The following NEGR1 variants were observed in gnomAD, a reference collection of about 807,000 sequenced individuals.
NEGR1 encodes the protein neuronal growth regulator 1.
A neutral mutation model predicts 40.9 loss-of-function variants in NEGR1; 10 were observed. The observed-to-expected ratio is 0.24, with a 90% CI of 0.15 to 0.42. The LOEUF (loss-of-function observed/expected upper bound fraction) is 0.42, where lower values mean the gene tolerates loss of function less well. NEGR1 is among the 10% of genes least tolerant of loss of function. The pLI, the probability that NEGR1 is intolerant of heterozygous loss-of-function variation, is 1.00. For synonymous variants in NEGR1, 185 were observed against 166.8 expected, an observed-to-expected ratio of 1.11 and a Z score of -0.84; for missense variants, 352 against 438.9, an observed-to-expected ratio of 0.80 and a Z score of 1.77.
intron 1 of NEGR1, among the ~76,000 whole-genome samples, chr1:72,109,362 A>G (rs1293314913): frequency 6.6e-6 from 1 of 151,710 alleles, no homozygotes; most frequent in African/African-American, 2.4e-5. Context: ...GTCATAAATA[A>G]AAACTACTTC....
In NEGR1 at chr1:71,912,287, T is replaced by G. The variant is rs1205695772; in HGVS notation, c.409+22792A>C. ...CTAGTCTCTTCCTCCATCTTCAAAGTTTTCAATAGGGAGTAAGTCCTTCCC... is the reference window on the plus strand; with the variant it reads ...CTAGTCTCTTCCTCCATCTTCAAAGGTTTCAATAGGGAGTAAGTCCTTCCC... On this transcript the variant is annotated intron_variant, in intron 2 of 6. Transcript: ENST00000357731. Among the ~76,000 whole-genome samples, 3 of 152,134 alleles carry G rather than the reference T, an allele frequency of 2.0e-5. No individual in the cohort carries two copies. In the East Asian group the frequency reaches 5.8e-4, roughly 29 times the overall value.
intron 1 of NEGR1, among the ~76,000 whole-genome samples, chr1:72,047,051 A>C (rs1647009230): frequency 6.6e-6 from 1 of 151,546 alleles, no homozygotes; most frequent in African/African-American, 2.4e-5. Flanking sequence ...TTAGTATCAA[A>C]AAACCTTTAG....
At chr1:71,560,640 T>C (rs1415791009) in intron 6 of NEGR1, among the ~76,000 whole-genome samples, 1 of 150,984 alleles carries the variant, frequency 6.6e-6, no homozygotes, top group African/African-American at 2.4e-5. Flanking sequence ...TTAAGGTAAT[T>C]AGAATTACTC....
intron 1 of NEGR1, among the ~76,000 whole-genome samples, chr1:71,988,817 A>G (rs1162322749): frequency 6.6e-6 from 1 of 151,498 alleles, no homozygotes; most frequent in African/African-American, 2.4e-5. Flanking sequence ...AATAAAACAT[A>G]AAATAGCTAT....
At chr1:71,658,250 A>G (rs558027418) in intron 4 of NEGR1, among the ~76,000 whole-genome samples, 5 of 152,370 alleles carry the variant, frequency 3.3e-5, no homozygotes, top group East Asian at 1.9e-4. Flanking sequence ...AGCAATTGCC[A>G]TAAGTTAAGG....
At chr1:71,459,166 A>G (rs1160521614) in intron 6 of NEGR1, among the ~76,000 whole-genome samples, 3 of 152,228 alleles carry the variant, frequency 2.0e-5, no homozygotes, top group Non-Finnish European at 4.4e-5. Flanking sequence ...GGAAAATACT[A>G]TTCCAACTTG....
intron 6 of NEGR1, among the ~76,000 whole-genome samples, chr1:71,495,958 AT>A (rs996383964): frequency 4.6e-5 from 7 of 151,474 alleles, no homozygotes; most frequent in South Asian, 2.1e-4. Flanking sequence ...TTCTTGCAAC[AT>A]TTTTTTTTGA....
chr1:71,534,161 AC>A (rs1647441523), intron 6 of NEGR1, among the ~76,000 whole-genome samples: 1 of 150,938 alleles, frequency 6.6e-6, no homozygotes, highest in Non-Finnish European at 1.5e-5. Flanking sequence ...CAAAACTACA[AC>A]CCCTCCCTCT....
chr1:71,742,233 T>C (rs1380482), intron 3 of NEGR1, among the ~76,000 whole-genome samples: 150,868 of 152,290 alleles, frequency 0.99, 74,745 homozygotes, highest in Middle Eastern at 1. Flanking sequence ...TAAGGATCAA[T>C]AGGCCAGATT....
rs771640260 is a variant in NEGR1 at position 71,698,054 on chromosome 1, A to G, written c.621T>C (p.Asn207=). Residue 207 remains asparagine, a synonymous_variant, in exon 4 of 7, where the codon AAT becomes AAC. Transcript: ENST00000357731. Reference sequence around the variant, plus strand: ...TCCTCACATCTGGGAATGACACATCATTTTCCGCACTGCATTCATATTCCC... The same window carrying G: ...TCCTCACATCTGGGAATGACACATCGTTTTCCGCACTGCATTCATATTCCC... ...QAGEYECSAE[N]DVSFPDVRKV... 5.6e-6 allele frequency: 9 copies of G among 1,611,478 alleles called. No homozygotes were observed. In the Admixed American group the frequency reaches 1.3e-4, roughly 24 times the overall value.
intron 5 of NEGR1, among the ~76,000 whole-genome samples, chr1:71,595,174 T>C (rs796682125): frequency 3.9e-5 from 6 of 152,328 alleles, no homozygotes; most frequent in African/African-American, 9.6e-5. Context: ...TGGGCCCATT[T>C]TGGGCCTCTG....
intron 2 of NEGR1, among the ~76,000 whole-genome samples, chr1:71,854,662 A>G (rs558372671): frequency 1.3e-5 from 2 of 152,210 alleles, no homozygotes; most frequent in Admixed American, 1.3e-4. Flanking sequence ...GAAAGTTACA[A>G]TCATGGAGGA....
chr1:71,864,422 C>A (rs1359781643), intron 2 of NEGR1, among the ~76,000 whole-genome samples: 3 of 152,030 alleles, frequency 2.0e-5, no homozygotes, highest in Non-Finnish European at 4.4e-5. Context: ...GGCTTCACTG[C>A]AATCTGATTA....
chr1:72,176,209 T>A (rs566567497), intron 1 of NEGR1, among the ~76,000 whole-genome samples: 3 of 152,202 alleles, frequency 2.0e-5, no homozygotes, highest in African/African-American at 7.2e-5. Context: ...TTATGCAAAA[T>A]TTTGTATGTT....
At chr1:71,744,678 G>A (rs533108967) in intron 3 of NEGR1, among the ~76,000 whole-genome samples, 1 of 152,226 alleles carries the variant, frequency 6.6e-6, no homozygotes, top group African/African-American at 2.4e-5. Context: ...CACCATCTGA[G>A]AACAAGTCAA....
At chr1:71,924,497 C>T (rs1208193848) in intron 2 of NEGR1, among the ~76,000 whole-genome samples, 1 of 152,148 alleles carries the variant, frequency 6.6e-6, no homozygotes, top group Non-Finnish European at 1.5e-5. Flanking sequence ...TCTGTCCTTC[C>T]TCAAGTCTTC....
At chr1:72,181,486 T>G (rs553265879) in intron 1 of NEGR1, among the ~76,000 whole-genome samples, 1 of 152,194 alleles carries the variant, frequency 6.6e-6, no homozygotes, top group South Asian at 2.1e-4. Flanking sequence ...ATAGCCATTA[T>G]GAAAAACACT....
At chr1:71,990,181 G>C (rs1646437074) in intron 1 of NEGR1, among the ~76,000 whole-genome samples, 1 of 152,114 alleles carries the variant, frequency 6.6e-6, no homozygotes, top group East Asian at 1.9e-4. Flanking sequence ...GATCTACAAA[G>C]AGCATGTCAG....
chr1:71,669,686 C>CTGTT (rs1451128412), intron 4 of NEGR1, among the ~76,000 whole-genome samples: 1 of 151,932 alleles, frequency 6.6e-6, no homozygotes, highest in African/African-American at 2.4e-5. Context: ...GAGTCTTGCT[C>CTGTT]TGTTCCCAGG....
Sources: gnomAD v4.1 joint callset for allele counts (sites outside exome capture counted in the v4.1 genomes callset) on GRCh38, gnomAD v4.1.1 for gene constraint, MANE v1.5 for transcripts, NCBI Gene and HGNC (gene_info 2026-07-23, HGNC 2026-07-21) for gene names.